The following ZNF317 variants were observed in gnomAD, a reference collection of about 807,000 sequenced individuals.
The protein encoded by ZNF317 is zinc finger protein 317, also known as KRAB-containing zinc finger protein 317.
In ZNF317, 17 loss-of-function variants were observed where a neutral mutation model predicts 23.4. The observed-to-expected ratio is 0.73, with a 90% CI of 0.50 to 1.09. The LOEUF is 1.09. ZNF317 is among the 50% of genes least tolerant of loss of function. The pLI, the probability that ZNF317 is intolerant of heterozygous loss-of-function variation, is 0.00. For synonymous variants in ZNF317, 317 were observed against 314.9 expected (o/e 1.01, Z -0.07); for missense variants, 679 against 796.7 (o/e 0.85, Z 1.78).
chr19:9,153,325 C>A (rs10407839), intron 1 of ZNF317, among the ~76,000 whole-genome samples: 4,740 of 133,156 alleles, frequency 0.036, 244 homozygotes, highest in African/African-American at 0.12. Context: ...CCATGCCCAG[C>A]TAATTCTTTG....
intron 5 of ZNF317, 141 bp downstream of exon 5, chr19:9,158,216 A>G: frequency 8.7e-7 from 1 of 1,144,408 alleles, no homozygotes; most frequent in South Asian, 1.8e-5. Flanking sequence ...ATTCTCTGAC[A>G]AATCTTTTGG....
chr19:9,156,487 AAGAG>A, intron 2 of ZNF317, 121 bp from the exon 3 acceptor site: 2 of 1,241,806 alleles, frequency 1.6e-6, no homozygotes, highest in African/African-American at 1.5e-5. Context: ...TGGGGGGAGG[AAGAG>A]AGAGAGAGGA....
Position 9,140,454 on chromosome 19 carries a change from G to A in ZNF317, c.-231G>A, listed in dbSNP as rs747832133. ...ATTGCCCCGAGACACATGGGCCAAG[G>A]AGGGGTCAGCGGCGAATTCTTTCGG... On this transcript the variant is annotated 5_prime_UTR_variant, in exon 1 of 7. Coordinates refer to ENST00000247956, the MANE Select transcript of ZNF317 (RefSeq NM_020933.5). 2.2e-6 allele frequency: 1 copy of A among 455,562 alleles called. No homozygotes were observed. Among genetic ancestry groups the A allele is most frequent in the Admixed American group, 2.4e-5 (1 of 42,432 alleles). 28.2% of individuals were successfully genotyped at this position (455,562 alleles called of 1,614,324 possible). A position where few individuals can be genotyped will look rare whatever the true frequency, so the allele number is the denominator to read the frequency against.
At chr19:9,151,124 G>A (rs893933142) in intron 1 of ZNF317, among the ~76,000 whole-genome samples, 9 of 152,282 alleles carry the variant, frequency 5.9e-5, no homozygotes, top group African/African-American at 2.2e-4. Context: ...ATGAATGGTA[G>A]GTGAGGATGG....
chr19:9,160,222 C>G lies in ZNF317; in HGVS notation c.577C>G (p.Pro193Ala), dbSNP rs2050832549. ...QPMGRHAGKRPYHRRDYGVAF... is the reference protein window; with the variant it reads ...QPMGRHAGKRAYHRRDYGVAF... ...AATGGGAAGGCACGCTGGCAAGAGGCCCTATCACCGCCGCGACTATGGGGT... is the reference window on the plus strand; with the variant it reads ...AATGGGAAGGCACGCTGGCAAGAGGGCCTATCACCGCCGCGACTATGGGGT... The change falls in exon 7 of 7, where the codon CCC becomes GCC. Residue 193 changes from proline (P) to alanine (A), a missense_variant. By Grantham distance (27) the Pro-to-Ala change is conservative. Coordinates refer to ENST00000247956, the MANE Select transcript of ZNF317 (RefSeq NM_020933.5). The surrounding 1 kb of genome is among the most constrained non-coding windows in gnomAD (Gnocchi z 6.8). 1.2e-6 allele frequency: 2 copies of G among 1,614,062 alleles called. No homozygotes were observed. The highest frequency in any genetic ancestry group is 1.7e-5 in the Admixed American group (1 of 60,010).
chr19:9,159,894 G>C (rs1189685081), intron 6 of ZNF317, among the ~76,000 whole-genome samples: 2 of 152,162 alleles, frequency 1.3e-5, no homozygotes, highest in Non-Finnish European at 2.9e-5. Flanking sequence ...AAAAAGCTTT[G>C]AAAAAGTAAC....
chr19:9,155,944 C>G lies in ZNF317; in HGVS notation c.-73C>G. 2 of 1,588,476 alleles carry G rather than the reference C, an allele frequency of 1.3e-6. No homozygotes were observed. Among genetic ancestry groups the G allele is most frequent in the East Asian group, 2.2e-5 (1 of 44,690 alleles). On this transcript the variant is annotated 5_prime_UTR_variant, in exon 2 of 7. Coordinates refer to ENST00000247956, the MANE Select transcript of ZNF317 (RefSeq NM_020933.5). ...CTACAGATGCCAGCTTGGAGAGTCA[C>G]GTGAGAGCAAGAGAGTAGCTTTCTG...
rs1421333891 is a variant in ZNF317, at chr19:9,160,425, C to T, written c.780C>T (p.Asn260=). 10 of 1,613,890 alleles carry T rather than the reference C, an allele frequency of 6.2e-6. No individual in the cohort carries two copies. The highest frequency in any genetic ancestry group is 3.3e-5 in the Admixed American group (2 of 59,988). Residue 260 remains asparagine (N), a synonymous_variant, in exon 7 of 7, where the codon AAC becomes AAT. Transcript: ENST00000247956. The surrounding 1 kb of genome is among the most constrained non-coding windows in gnomAD (Gnocchi z 6.8). ...YECSDCGKAF[N]DPSALRSHAR... Reference sequence around the variant, plus strand: ...GCAGCGACTGCGGGAAAGCCTTCAACGACCCTTCAGCCCTTAGGAGCCACG... The same window carrying T: ...GCAGCGACTGCGGGAAAGCCTTCAATGACCCTTCAGCCCTTAGGAGCCACG...
chr19:9,159,538 T>G (rs2050823423), intron 6 of ZNF317, among the ~76,000 whole-genome samples: 2 of 147,794 alleles, frequency 1.4e-5, no homozygotes, highest in Non-Finnish European at 3.0e-5. Flanking sequence ...TTTTTGTTGT[T>G]GTTTTTGTTT....
Position 9,161,495 on chromosome 19 carries a change from G to T in ZNF317, c.*62G>T. The T allele has an allele frequency of 1.3e-6, 2 of 1,543,124 alleles. No homozygotes were observed. Among genetic ancestry groups the T allele is most frequent in the South Asian group, 2.5e-5 (2 of 79,548 alleles). On this transcript the variant is annotated 3_prime_UTR_variant, in exon 7 of 7. Coordinates refer to ENST00000247956, the MANE Select transcript of ZNF317 (RefSeq NM_020933.5). This position sits in a 1 kb window ranked among gnomAD's most constrained non-coding sequence, Gnocchi z 4.0. ...GGAAACAGACCTCGTGGGTGTAAGA[G>T]GAAGCCTCTGTGAGCTCGCACCTTA...
chr19:9,150,055 G>T (rs1303136163), intron 1 of ZNF317, among the ~76,000 whole-genome samples: 2 of 152,164 alleles, frequency 1.3e-5, no homozygotes, highest in Non-Finnish European at 2.9e-5. Flanking sequence ...TTTGACTTGA[G>T]CCCCTGGGAG....
chr19:9,147,266 C>T (rs1178944454), intron 1 of ZNF317, among the ~76,000 whole-genome samples: 7 of 151,044 alleles, frequency 4.6e-5, no homozygotes, highest in Non-Finnish European at 8.8e-5. Flanking sequence ...GCAACCCCAA[C>T]AGCTCTGAAA....
Position 9,158,999 on chromosome 19 carries a change from C to T in ZNF317, c.468+91C>T, listed in dbSNP as rs1324755326. The T allele has an allele frequency of 6.0e-6, 5 of 829,274 alleles. No individual in the cohort carries two copies. In the African/African-American group the frequency reaches 8.5e-5, roughly 14 times the overall value. 51.4% of individuals were successfully genotyped at this position (829,274 alleles called of 1,614,324 possible). A position where few individuals can be genotyped will look rare whatever the true frequency, so the allele number is the denominator to read the frequency against. On this transcript the variant is annotated intron_variant, in intron 6 of 6. Transcript: ENST00000247956. ...TTAGAAAAGCAGTTCAACACCAGGG[C>T]AAGCAGCTTCCCTCAGAGGAGACTG...
In ZNF317 at chr19:9,157,287, A is replaced by G; in HGVS notation, c.182A>G (p.Asp61Gly). 1.2e-6 allele frequency: 2 copies of G among 1,613,974 alleles called. No homozygotes were observed. Residue 61 changes from aspartate (D) to glycine (G), a missense_variant, in exon 4 of 7, where the codon GAT (aspartate) becomes GGT (glycine). Asp to Gly is a moderately conservative substitution (Grantham distance 94). Transcript: ENST00000247956. ...VGSQESVTFQDVAVDFTEKEW... is the reference protein window; with the variant it reads ...VGSQESVTFQGVAVDFTEKEW... The stretch of plus-strand genomic sequence containing the variant: ...TTCCAGGAATCGGTGACTTTCCAAG[A>G]TGTCGCTGTGGACTTTACCGAGAAG...
In ZNF317 at chr19:9,161,539, A is replaced by G. The variant is rs1287149054; in HGVS notation, c.*106A>G. The G allele has an allele frequency of 1.4e-6, 2 of 1,479,946 alleles. No homozygotes were observed. Among genetic ancestry groups the G allele is most frequent in the East Asian group, 2.3e-5 (1 of 43,776 alleles). 91.7% of individuals were successfully genotyped at this position (1,479,946 alleles called of 1,614,324 possible). On this transcript the variant is annotated 3_prime_UTR_variant, in exon 7 of 7. Coordinates refer to ENST00000247956, the MANE Select transcript of ZNF317 (RefSeq NM_020933.5). The surrounding 1 kb of genome is among the most constrained non-coding windows in gnomAD (Gnocchi z 4.0). Reference sequence around the variant, plus strand: ...CACCTTACTGGGTGCAAAAGAATCCACGGAACTTGGGAGAAGTCCAGTTCC... The same window carrying G: ...CACCTTACTGGGTGCAAAAGAATCCGCGGAACTTGGGAGAAGTCCAGTTCC...
intron 1 of ZNF317, among the ~76,000 whole-genome samples, chr19:9,148,589 G>C (rs2050708822): frequency 6.6e-6 from 1 of 151,996 alleles, no homozygotes; most frequent in Admixed American, 6.5e-5. Flanking sequence ...GTCTCAGTAT[G>C]AAGGCAAATG....
Position 9,155,995 on chromosome 19 carries a change from A to G in ZNF317, c.-22A>G, listed in dbSNP as rs376382738. On this transcript the variant is annotated 5_prime_UTR_variant, in exon 2 of 7. Coordinates refer to ENST00000247956, the MANE Select transcript of ZNF317 (RefSeq NM_020933.5). Reference sequence around the variant, plus strand: ...GTTGTCCTGGTGCCCTGCTCAGGCAAACTGACTGCCATTCTCTGAGGATGG... The same window carrying G: ...GTTGTCCTGGTGCCCTGCTCAGGCAGACTGACTGCCATTCTCTGAGGATGG... 27 of 1,614,058 alleles carry G rather than the reference A, an allele frequency of 1.7e-5. No homozygotes were observed. Among genetic ancestry groups the G allele is most frequent in the Non-Finnish European group, 2.0e-5 (24 of 1,180,046 alleles).
At chr19:9,142,345 G>C (rs573214816) in intron 1 of ZNF317, among the ~76,000 whole-genome samples, 9 of 152,138 alleles carry the variant, frequency 5.9e-5, no homozygotes, top group Admixed American at 2.6e-4. Context: ...TGCTGGACTG[G>C]GTGGGGACTT....
chr19:9,152,655 C>T (rs991195487), intron 1 of ZNF317, among the ~76,000 whole-genome samples: 5 of 152,228 alleles, frequency 3.3e-5, no homozygotes, highest in Admixed American at 1.3e-4. Flanking sequence ...GGAAAACACT[C>T]TCAGGGCTTC....
Sources: allele counts gnomAD v4.1 joint callset (sites outside exome capture counted in the v4.1 genomes callset), GRCh38; gene constraint gnomAD v4.1.1; non-coding constraint Gnocchi (gnomAD v3.1); transcripts MANE v1.5; gene names NCBI Gene and HGNC (gene_info 2026-07-23, HGNC 2026-07-21).